Variants in NALF1 observed in about 807,000 individuals in gnomAD.
The protein encoded by NALF1 is NALCN channel auxiliary factor 1, also known as family with sequence similarity 155 member A.
In NALF1, 3 loss-of-function variants were observed where a neutral mutation model predicts 48.4. That is an observed-to-expected ratio of 0.06 (90% CI 0.03 to 0.16). NALF1 has a LOEUF of 0.16. Ranked by LOEUF, NALF1 falls within the 10% of genes least tolerant of loss-of-function variation. The pLI is 1.00. For synonymous variants in NALF1, 262 were observed against 245.7 expected (o/e 1.07, Z -0.62); for missense variants, 526 against 571.5 (o/e 0.92, Z 0.81).
rs148068343 is a variant in NALF1 at position 107,219,062 on chromosome 13, G to A, written c.916-8307C>T. ...TCTCTTTTAACAAGCTGCCTTCACC[G>A]GATTATCATGTTAGTGACGAAGATG... On this transcript the variant is annotated intron_variant, in intron 1 of 2. Coordinates refer to ENST00000375915, the MANE Select transcript of NALF1 (RefSeq NM_001080396.3). Among the ~76,000 whole-genome samples the A allele has an allele frequency of 9.9e-5, 15 of 152,260 alleles. No individual in the cohort carries two copies. In the East Asian group the frequency reaches 2.5e-3, roughly 25 times the overall value.
Position 107,472,424 on chromosome 13 carries a change from T to C in NALF1, c.916-261669A>G, listed in dbSNP as rs144543488. Among the ~76,000 whole-genome samples, 922 of 152,222 alleles carry C rather than the reference T, an allele frequency of 6.1e-3. 8 individuals carry two copies. Among genetic ancestry groups the C allele is most frequent in the African/African-American group, 0.021 (870 of 41,540 alleles). ...TGATTGGATTGAAGGATGTGAAGTATTGTTCCTGGGTGTGTCTGTGTGTGT... is the reference window on the plus strand; with the variant it reads ...TGATTGGATTGAAGGATGTGAAGTACTGTTCCTGGGTGTGTCTGTGTGTGT... On this transcript the variant is annotated intron_variant, in intron 1 of 2. Transcript: ENST00000375915.
At chr13:107,287,210 C>A (rs921290582) in intron 1 of NALF1, among the ~76,000 whole-genome samples, 2 of 152,200 alleles carry the variant, frequency 1.3e-5, no homozygotes, top group Non-Finnish European at 1.5e-5. Flanking sequence ...CCCCAACCAC[C>A]CATCAGCATC....
chr13:107,800,645 G>GATATATA (rs201008942), intron 1 of NALF1, among the ~76,000 whole-genome samples: 1 of 145,716 alleles, frequency 6.9e-6, no homozygotes, highest in Non-Finnish European at 1.5e-5. Context: ...ATACATATAA[G>GATATATA]ATATATAATA....
chr13:107,308,156 C>A (rs554129664), intron 1 of NALF1, among the ~76,000 whole-genome samples: 2 of 149,208 alleles, frequency 1.3e-5, no homozygotes, highest in South Asian at 4.3e-4. Flanking sequence ...CACTGGAAAT[C>A]TCATTAAATT....
intron 2 of NALF1, among the ~76,000 whole-genome samples, chr13:107,209,429 C>T (rs1454559752): frequency 2.6e-5 from 4 of 151,724 alleles, no homozygotes; most frequent in Admixed American, 2.6e-4. Context: ...ATCACTTGAA[C>T]CCCGGAGGCG....
intron 1 of NALF1, among the ~76,000 whole-genome samples, chr13:107,256,236 A>G (rs990409774): frequency 3.3e-5 from 5 of 152,174 alleles, no homozygotes; most frequent in African/African-American, 1.2e-4. Context: ...TGCGCTCTTG[A>G]GATTTATTCC....
intron 1 of NALF1, among the ~76,000 whole-genome samples, chr13:107,712,694 G>C (rs917835623): frequency 1.3e-5 from 2 of 152,160 alleles, no homozygotes; most frequent in African/African-American, 4.8e-5. Flanking sequence ...TGTAGCATGT[G>C]CTGGAAGGAT....
At chr13:107,726,907 A>C (rs1211774119) in intron 1 of NALF1, among the ~76,000 whole-genome samples, 15 of 135,378 alleles carry the variant, frequency 1.1e-4, no homozygotes, top group Non-Finnish European at 1.9e-4. Context: ...CCCGGCCGGC[A>C]AATTCTTGTG....
At chr13:107,380,909 C>T (rs1222584508) in intron 1 of NALF1, among the ~76,000 whole-genome samples, 8 of 144,988 alleles carry the variant, frequency 5.5e-5, no homozygotes, top group Non-Finnish European at 1.2e-4. Flanking sequence ...ACCTGGGAGG[C>T]GGAGCTTGCA....
chr13:107,770,104 G>A (rs1040484594), intron 1 of NALF1, among the ~76,000 whole-genome samples: 1 of 152,002 alleles, frequency 6.6e-6, no homozygotes, highest in Non-Finnish European at 1.5e-5. Context: ...TAGTAGAGAC[G>A]GGGTTTCGCC....
At chr13:107,535,736 T>C (rs576356120) in intron 1 of NALF1, among the ~76,000 whole-genome samples, 33 of 152,200 alleles carry the variant, frequency 2.2e-4, no homozygotes, top group African/African-American at 5.3e-4. Flanking sequence ...CTTTAAAGTT[T>C]ATATGGAACC....
At chr13:107,479,290 T>G (rs1355164974) in intron 1 of NALF1, among the ~76,000 whole-genome samples, 1 of 152,164 alleles carries the variant, frequency 6.6e-6, no homozygotes, top group Non-Finnish European at 1.5e-5. Flanking sequence ...TTCTGGGAAT[T>G]TTGAAACTCC....
At chr13:107,822,384 G>C (rs1879385562) in intron 1 of NALF1, among the ~76,000 whole-genome samples, 1 of 150,060 alleles carries the variant, frequency 6.7e-6, no homozygotes, top group Non-Finnish European at 1.5e-5. Flanking sequence ...TTCCACTACT[G>C]CTTCTCAAAG....
intron 1 of NALF1, among the ~76,000 whole-genome samples, chr13:107,323,137 G>T (rs1046116499): frequency 3.3e-5 from 5 of 152,062 alleles, no homozygotes; most frequent in African/African-American, 1.2e-4. Context: ...ACCACTACTG[G>T]ACTGTGACCT....
At chr13:107,409,685 T>C (rs1447189921) in intron 1 of NALF1, among the ~76,000 whole-genome samples, 2 of 152,174 alleles carry the variant, frequency 1.3e-5, no homozygotes, top group African/African-American at 2.4e-5. Context: ...ACCAATCAAA[T>C]TGGTGTTAAT....
chr13:107,407,198 C>T (rs1202817756), intron 1 of NALF1, among the ~76,000 whole-genome samples: 1 of 151,794 alleles, frequency 6.6e-6, no homozygotes, highest in Non-Finnish European at 1.5e-5. Context: ...CTTCAAGACA[C>T]TGAGCAAAGA....
At chr13:107,644,615 G>A (rs1880254704) in intron 1 of NALF1, among the ~76,000 whole-genome samples, 1 of 113,828 alleles carries the variant, frequency 8.8e-6, no homozygotes. Context: ...GACATTTAGA[G>A]TGTGTGTGTG....
intron 1 of NALF1, among the ~76,000 whole-genome samples, chr13:107,505,324 A>G (rs532151637): frequency 1.4e-4 from 22 of 152,350 alleles, no homozygotes; most frequent in African/African-American, 4.8e-4. Flanking sequence ...CCTGGAGGGC[A>G]TGGCAAAGAA....
intron 1 of NALF1, among the ~76,000 whole-genome samples, chr13:107,691,260 G>A (rs770278042): frequency 1.7e-4 from 26 of 152,274 alleles, no homozygotes; most frequent in Admixed American, 7.9e-4. Flanking sequence ...TCTCCTCACC[G>A]CCTCAGAAGG....
Sources: gnomAD v4.1 joint callset for allele counts (sites outside exome capture counted in the v4.1 genomes callset) on GRCh38, gnomAD v4.1.1 for gene constraint, MANE v1.5 for transcripts, NCBI Gene and HGNC (gene_info 2026-07-23, HGNC 2026-07-21) for gene names.